Variants in NKAIN3 observed in about 807,000 individuals in gnomAD.
NKAIN3 encodes sodium/potassium-transporting ATPase subunit beta-1-interacting protein 3.
A neutral mutation model predicts 30.2 loss-of-function variants in NKAIN3; 25 were observed. The observed-to-expected ratio is 0.83, with a 90% confidence interval of 0.60 to 1.16. NKAIN3 has a LOEUF of 1.16. Ranked by LOEUF, NKAIN3 falls within the 50% of genes most tolerant of loss-of-function variation. NKAIN3 has a pLI of 0.00. For missense variants in NKAIN3, 225 were observed against 254.1 expected, an observed-to-expected ratio of 0.89 and a Z score of 0.78; for synonymous variants, 91 against 89.6, an observed-to-expected ratio of 1.02 and a Z score of -0.09.
At chr8:62,502,265 C>T (rs1807477463) in intron 1 of NKAIN3, among the ~76,000 whole-genome samples, 1 of 152,110 alleles carries the variant, frequency 6.6e-6, no homozygotes, top group Non-Finnish European at 1.5e-5. Flanking sequence ...CTCTAGTCTT[C>T]CAGTCATTGC....
chr8:62,419,795 G>T (rs375274567), intron 1 of NKAIN3, among the ~76,000 whole-genome samples: 192 of 152,222 alleles, frequency 1.3e-3, no homozygotes, highest in African/African-American at 4.5e-3. Flanking sequence ...TTCTCCAATG[G>T]ATATTAATAT....
chr8:62,568,697 C>A (rs976472488), intron 1 of NKAIN3, among the ~76,000 whole-genome samples: 1 of 152,150 alleles, frequency 6.6e-6, no homozygotes, highest in Non-Finnish European at 1.5e-5. Flanking sequence ...ACTTGCCGCA[C>A]AACATGTAGC....
chr8:62,251,149 G>A (rs1025875608), intron 1 of NKAIN3, among the ~76,000 whole-genome samples: 3 of 152,070 alleles, frequency 2.0e-5, no homozygotes, highest in Non-Finnish European at 4.4e-5. Flanking sequence ...ACTATCCTGT[G>A]AGGTAGATAC....
chr8:62,313,037 A>T (rs1814498849), intron 1 of NKAIN3, among the ~76,000 whole-genome samples: 1 of 152,148 alleles, frequency 6.6e-6, no homozygotes, highest in African/African-American at 2.4e-5. Context: ...AGAAAAAAAA[A>T]ACTCAGGTGA....
At position 62,735,366 on chromosome 8, in the gene NKAIN3, CTTTCTTTCTTTCTTT is replaced by C. The variant is rs869096278; in HGVS notation, c.274-11562_274-11548del. On this transcript the variant is annotated intron_variant, in intron 3 of 6. Transcript: ENST00000623646. ...AAAACCTTTCTTTCTTTCTTTCTTT[CTTTCTTTCTTTCTTT>C]TTTTTTTTTTTTTGAGCTCTGAAGT... 7.5e-3 allele frequency among the ~76,000 whole-genome samples: 993 copies of C among 132,666 alleles called. 21 individuals carry two copies. The highest frequency in any genetic ancestry group is 0.05 in the East Asian group (241 of 4,790). The allele number at this position is 132,666 out of a possible 152,430, so 87.0% of individuals were successfully genotyped here.
At chr8:62,374,994 T>C (rs1817030716) in intron 1 of NKAIN3, among the ~76,000 whole-genome samples, 1 of 152,234 alleles carries the variant, frequency 6.6e-6, no homozygotes. Context: ...TTATTTCATT[T>C]TCAGGACTTC....
chr8:62,869,889 C>T (rs1469441257), intron 4 of NKAIN3, among the ~76,000 whole-genome samples: 2 of 152,050 alleles, frequency 1.3e-5, no homozygotes, highest in African/African-American at 4.8e-5. Context: ...TGCCTCAGCC[C>T]CCCCGAAGTG....
intron 3 of NKAIN3, among the ~76,000 whole-genome samples, chr8:62,643,813 C>T (rs1049505826): frequency 6.7e-6 from 1 of 149,868 alleles, no homozygotes; most frequent in African/African-American, 2.5e-5. Flanking sequence ...GTAGTTGGAT[C>T]TCTTGTTGTT....
intron 1 of NKAIN3, among the ~76,000 whole-genome samples, chr8:62,494,474 G>A (rs1350852780): frequency 1.3e-5 from 2 of 152,072 alleles, no homozygotes; most frequent in African/African-American, 4.8e-5. Context: ...TTGCCCTGAA[G>A]TTTTCTTTAT....
chr8:62,758,269 T>C lies in NKAIN3; in HGVS notation c.471+11140T>C, dbSNP rs542199478. On this transcript the variant is annotated intron_variant, in intron 4 of 6. Transcript: ENST00000623646. Reference sequence around the variant, plus strand: ...GGAAACACGACAACTAAATAAAACTTGTGACCCTAGACCAAAAAACAGACA... The same window carrying C: ...GGAAACACGACAACTAAATAAAACTCGTGACCCTAGACCAAAAAACAGACA... Among the ~76,000 whole-genome samples, 4 of 152,244 alleles carry C rather than the reference T, an allele frequency of 2.6e-5. No homozygotes were observed. In the South Asian group the frequency reaches 8.3e-4, roughly 32 times the overall value.
intron 1 of NKAIN3, among the ~76,000 whole-genome samples, chr8:62,382,401 G>A (rs1393847787): frequency 1.3e-5 from 2 of 152,070 alleles, no homozygotes; most frequent in Non-Finnish European, 2.9e-5. Flanking sequence ...AGGTGGCAGA[G>A]GTGGAAGAGG....
chr8:62,334,291 C>T (rs1815456858), intron 1 of NKAIN3, among the ~76,000 whole-genome samples: 1 of 152,216 alleles, frequency 6.6e-6, no homozygotes, highest in East Asian at 1.9e-4. Context: ...TCGGCAGAGC[C>T]ATGCTCTAGG....
intron 1 of NKAIN3, among the ~76,000 whole-genome samples, chr8:62,519,844 C>T (rs533149047): frequency 6.6e-6 from 1 of 152,266 alleles, no homozygotes; most frequent in South Asian, 2.1e-4. Flanking sequence ...GAGTACAAGA[C>T]TCAAGCCATA....
intron 2 of NKAIN3, among the ~76,000 whole-genome samples, chr8:62,584,494 C>T (rs1810409477): frequency 6.6e-6 from 1 of 152,140 alleles, no homozygotes; most frequent in Admixed American, 6.5e-5. Flanking sequence ...CAGTGACTAG[C>T]TTTTCCAAAC....
intron 1 of NKAIN3, among the ~76,000 whole-genome samples, chr8:62,303,447 T>C (rs1814123130): frequency 6.6e-6 from 1 of 150,704 alleles, no homozygotes; most frequent in African/African-American, 2.5e-5. Context: ...AAATGAAGTT[T>C]ATCTGAACCA....
At chr8:62,515,953 A>T (rs55774457) in intron 1 of NKAIN3, among the ~76,000 whole-genome samples, 5,862 of 152,048 alleles carry the variant, frequency 0.039, 392 homozygotes, top group African/African-American at 0.13. Flanking sequence ...GATTTTTAAG[A>T]TATTACTCCT....
chr8:62,726,453 C>T lies in NKAIN3; in HGVS notation c.274-20479C>T, dbSNP rs183566156. On this transcript the variant is annotated intron_variant, in intron 3 of 6. Transcript: ENST00000623646. ...GTCTGTATTATATGGCTTTTCTTAA[C>T]GTTGACGTATGTTTCTTCTTTACCC... 3.6e-3 allele frequency among the ~76,000 whole-genome samples: 545 copies of T among 152,020 alleles called. 4 individuals carry two copies. The highest frequency in any genetic ancestry group is 0.013 in the African/African-American group (521 of 41,528).
At chr8:62,770,815 C>A (rs953484446) in intron 4 of NKAIN3, among the ~76,000 whole-genome samples, 2 of 149,494 alleles carry the variant, frequency 1.3e-5, no homozygotes, top group Admixed American at 1.3e-4. Context: ...GAGACTTCAG[C>A]GACCAGAAGC....
At chr8:62,685,044 A>G (rs1586087029) in intron 3 of NKAIN3, among the ~76,000 whole-genome samples, 1 of 152,298 alleles carries the variant, frequency 6.6e-6, no homozygotes, top group Admixed American at 6.5e-5. Flanking sequence ...CCTGCTGTAC[A>G]CATAACATCC....
Sources: allele counts gnomAD v4.1 joint callset (sites outside exome capture counted in the v4.1 genomes callset), GRCh38; gene constraint gnomAD v4.1.1; transcripts MANE v1.5; gene names NCBI Gene and HGNC (gene_info 2026-07-23, HGNC 2026-07-21).